OXR1: variants seen among roughly 807,000 people sequenced by gnomAD.
OXR1 encodes the protein oxidation resistance 1, also known as oxidation resistance protein 1.
Under a neutral mutation model 104.6 loss-of-function variants are expected in OXR1, and 41 were observed. That is an observed-to-expected ratio of 0.39 (90% CI 0.31 to 0.51). The LOEUF (loss-of-function observed/expected upper bound fraction) is 0.51, where lower values mean the gene tolerates loss of function less well. Ranked by LOEUF, OXR1 falls within the 20% of genes least tolerant of loss-of-function variation. OXR1 has a pLI of 0.77. For missense variants in OXR1, 955 were observed against 1,031.9 expected (o/e 0.93, Z 1.02); for synonymous variants, 348 against 348.4 (o/e 1.00, Z 0.01).
chr8:106,287,068 A>G (rs989183920), intron 1 of OXR1, among the ~76,000 whole-genome samples: 2 of 152,178 alleles, frequency 1.3e-5, no homozygotes, highest in East Asian at 3.9e-4. Flanking sequence ...TTTTAACCAC[A>G]GGAAAGAAAA....
At chr8:106,327,324 A>G (rs1814510894) in intron 1 of OXR1, among the ~76,000 whole-genome samples, 1 of 152,186 alleles carries the variant, frequency 6.6e-6, no homozygotes, top group Admixed American at 6.5e-5. Context: ...CTTTGATTTC[A>G]TTTTAATTTT....
chr8:106,537,067 C>T (rs750844506), intron 3 of OXR1, among the ~76,000 whole-genome samples: 2 of 152,024 alleles, frequency 1.3e-5, no homozygotes, highest in Non-Finnish European at 2.9e-5. Flanking sequence ...CTGGTGAGAA[C>T]CCACATGCTG....
intron 3 of OXR1, among the ~76,000 whole-genome samples, chr8:106,542,257 A>C (rs1016314322): frequency 1.3e-5 from 2 of 152,166 alleles, no homozygotes; most frequent in African/African-American, 4.8e-5. Flanking sequence ...ATGAATATCA[A>C]AATCCTAAAA....
At chr8:106,709,306 T>C (rs1254391447) in intron 9 of OXR1, among the ~76,000 whole-genome samples, 1 of 152,150 alleles carries the variant, frequency 6.6e-6, no homozygotes, top group Non-Finnish European at 1.5e-5. Flanking sequence ...GTGATTACAG[T>C]TCTTTGAAAA....
At chr8:106,349,738 A>G (rs1203264252) in intron 1 of OXR1, among the ~76,000 whole-genome samples, 1 of 152,204 alleles carries the variant, frequency 6.6e-6, no homozygotes, top group Non-Finnish European at 1.5e-5. Flanking sequence ...GTCAAGGGTT[A>G]CAAGTTACCC....
intron 1 of OXR1, among the ~76,000 whole-genome samples, chr8:106,352,589 T>A (rs1815775762): frequency 6.6e-6 from 1 of 152,296 alleles, no homozygotes; most frequent in East Asian, 1.9e-4. Flanking sequence ...CAGTATGAGA[T>A]TGGCTGATGA....
rs1328511697 is a variant in OXR1, at chr8:106,616,222, T to A, written c.221-62988T>A. Among the ~76,000 whole-genome samples, 73 of 134,254 alleles carry A rather than the reference T, an allele frequency of 5.4e-4. No homozygotes were observed. In the East Asian group the frequency reaches 0.011, roughly 20 times the overall value. 88.1% of individuals were successfully genotyped at this position (134,254 alleles called of 152,430 possible). ...ATGCCTGGCTAATTTTTTGGAATTT[T>A]TTTTTTTTTTTTTTTTTTTTTGTAG... On this transcript the variant is annotated intron_variant, in intron 3 of 16. Transcript: ENST00000517566.
chr8:106,362,259 G>T lies in OXR1; in HGVS notation c.23+2623G>T, dbSNP rs951616360. On this transcript the variant is annotated intron_variant, in intron 2 of 16. Coordinates refer to ENST00000517566, the MANE Select transcript of OXR1 (RefSeq NM_001198533.2). ...AGTGTAGTCTGCCTACTATGACATCGTATTAGTTGACCATATCCACGTGTT... is the reference window on the plus strand; with the variant it reads ...AGTGTAGTCTGCCTACTATGACATCTTATTAGTTGACCATATCCACGTGTT... 2.0e-5 allele frequency among the ~76,000 whole-genome samples: 3 copies of T among 152,156 alleles called. No individual in the cohort carries two copies. The South Asian group carries it at 6.2e-4, about 32-fold the overall frequency.
intron 3 of OXR1, among the ~76,000 whole-genome samples, chr8:106,547,492 CTTTTTTTTT>C (rs60073341): frequency 8.6e-6 from 1 of 116,620 alleles, no homozygotes; most frequent in African/African-American, 3.2e-5. Context: ...TTCTTTCTTT[CTTTTTTTTT>C]TTTTTTTTTT....
At chr8:106,721,436 G>A (rs1009773301) in intron 11 of OXR1, among the ~76,000 whole-genome samples, 2 of 151,932 alleles carry the variant, frequency 1.3e-5, no homozygotes, top group African/African-American at 2.4e-5. Context: ...TTTTAAGAAC[G>A]AATTTACTAA....
intron 1 of OXR1, among the ~76,000 whole-genome samples, chr8:106,341,134 G>A (rs570356827): frequency 1.3e-5 from 2 of 151,986 alleles, no homozygotes; most frequent in African/African-American, 4.8e-5. Flanking sequence ...TTTTTTCTCT[G>A]TCACCTCTGT....
intron 3 of OXR1, among the ~76,000 whole-genome samples, chr8:106,606,086 A>G (rs552668584): frequency 1.3e-5 from 2 of 152,290 alleles, no homozygotes; most frequent in South Asian, 4.1e-4. Flanking sequence ...AGCATTCTGA[A>G]GTCCAAAATG....
intron 3 of OXR1, among the ~76,000 whole-genome samples, chr8:106,606,105 T>G (rs1353902881): frequency 6.6e-6 from 1 of 152,108 alleles, no homozygotes; most frequent in Non-Finnish European, 1.5e-5. Context: ...TGCATCTCAC[T>G]GGGGCTAAAG....
intron 2 of OXR1, among the ~76,000 whole-genome samples, chr8:106,397,071 T>C (rs1352989079): frequency 1.3e-5 from 2 of 152,128 alleles, no homozygotes; most frequent in African/African-American, 4.8e-5. Flanking sequence ...TCATATTGCA[T>C]TGAGTATCCT....
chr8:106,642,665 T>C (rs184681811), intron 3 of OXR1, among the ~76,000 whole-genome samples: 15 of 152,306 alleles, frequency 9.8e-5, no homozygotes, highest in African/African-American at 3.4e-4. Context: ...GTAGGCTCAC[T>C]ATGTGCCCAG....
chr8:106,578,422 A>G lies in OXR1; in HGVS notation c.220+59283A>G, dbSNP rs1818004840. ...GATTTGACAAGATAATTTTCCTACC[A>G]GTTAATATTCCTGTGTATAAGTTAA... On this transcript the variant is annotated intron_variant, in intron 3 of 16. Coordinates refer to ENST00000517566, the MANE Select transcript of OXR1 (RefSeq NM_001198533.2). 3.3e-5 allele frequency among the ~76,000 whole-genome samples: 5 copies of G among 152,328 alleles called. No homozygotes were observed. In the South Asian group the frequency reaches 1.0e-3, roughly 32 times the overall value.
chr8:106,619,182 A>C (rs1257685097), intron 3 of OXR1, among the ~76,000 whole-genome samples: 2 of 152,158 alleles, frequency 1.3e-5, no homozygotes. Flanking sequence ...TGTATAATAT[A>C]CTTTACCACT....
intron 11 of OXR1, among the ~76,000 whole-genome samples, chr8:106,731,710 A>G (rs1174693753): frequency 6.6e-6 from 1 of 152,008 alleles, no homozygotes; most frequent in Non-Finnish European, 1.5e-5. Flanking sequence ...TTTATGTGGG[A>G]TATTTCTGAG....
Position 106,710,782 on chromosome 8 carries a change from A to T in OXR1, c.1785A>T (p.Pro595=). 6.6e-7 allele frequency: 1 copy of T among 1,506,416 alleles called. No homozygotes were observed. Among genetic ancestry groups the T allele is most frequent in the African/African-American group, 1.4e-5 (1 of 70,564 alleles). 93.3% of individuals were successfully genotyped at this position (1,506,416 alleles called of 1,614,324 possible). Residue 595 remains proline, a synonymous_variant, in exon 10 of 17, where the codon CCA becomes CCT. Coordinates refer to ENST00000517566, the MANE Select transcript of OXR1 (RefSeq NM_001198533.2). ...AACATGAATATTGGTTTGCTGTGCC[A>T]CAAGAAAGGTAAAAAACCCATACGA... The part of the protein sequence containing the change: ...DKKHEYWFAV[P]QERTDHLYAF...
Sources: allele counts gnomAD v4.1 joint callset (sites outside exome capture counted in the v4.1 genomes callset), GRCh38; gene constraint gnomAD v4.1.1; transcripts MANE v1.5; gene names NCBI Gene and HGNC (gene_info 2026-07-23, HGNC 2026-07-21).